Variants in AP3D1 observed in about 807,000 individuals in gnomAD.
AP3D1 encodes the protein AP-3 complex subunit delta-1.
AP3D1 carries 51 observed loss-of-function variants against 147.6 expected under a neutral mutation model. The observed-to-expected ratio is 0.35, with a 90% CI of 0.28 to 0.44. The LOEUF (loss-of-function observed/expected upper bound fraction) is 0.44. Ranked by LOEUF, AP3D1 falls within the 20% of genes least tolerant of loss-of-function variation. The probability of loss-of-function intolerance (pLI) is 1.00; values close to 1 mark genes in which losing one functional copy is unlikely to be tolerated. For synonymous variants in AP3D1, 760 were observed against 663.0 expected (o/e 1.15, Z -2.25); for missense variants, 1,421 against 1,624.2 (o/e 0.87, Z 2.15).
At chr19:2,132,886 T>C (rs1245975889) in intron 4 of AP3D1, among the ~76,000 whole-genome samples, 1 of 151,980 alleles carries the variant, frequency 6.6e-6, no homozygotes, top group African/African-American at 2.4e-5. Flanking sequence ...TCAACCAAGT[T>C]TCTTGGCTCC....
At position 2,118,929 on chromosome 19, in the gene AP3D1, G is replaced by T. The variant is rs1599457485; in HGVS notation, c.1482-97C>A. 4 of 1,146,602 alleles carry T rather than the reference G, an allele frequency of 3.5e-6. No homozygotes were observed. In the East Asian group the frequency reaches 1.0e-4, roughly 29 times the overall value. The allele number at this position is 1,146,602 out of a possible 1,614,324, so 71.0% of individuals were successfully genotyped here. ...GGAGGCCTGGGCTCGTCACCAACAA[G>T]GTGACTCTGGGCCCTTCCCATTCCC... On this transcript the variant is annotated intron_variant, in intron 14 of 31. Transcript: ENST00000643116.
chr19:2,116,917 AG>A, intron 16 of AP3D1, 171 bp from the exon 17 acceptor site: 1 of 979,948 alleles, frequency 1.0e-6, no homozygotes, highest in Non-Finnish European at 1.4e-6. Flanking sequence ...AAGAGGACGC[AG>A]GGACCCAGGA....
intron 1 of AP3D1, among the ~76,000 whole-genome samples, chr19:2,138,939 A>C (rs1426149997): frequency 1.3e-5 from 2 of 151,764 alleles, no homozygotes; most frequent in Non-Finnish European, 2.9e-5. Context: ...GGGCGCCTGT[A>C]ATCCCAGCTA....
chr19:2,150,886 G>A (rs2019488900), intron 1 of AP3D1, among the ~76,000 whole-genome samples: 1 of 152,210 alleles, frequency 6.6e-6, no homozygotes, highest in South Asian at 2.1e-4. Flanking sequence ...GGGGGCAGGT[G>A]GGCCCGAATC....
intron 5 of AP3D1, among the ~76,000 whole-genome samples, chr19:2,131,840 C>T (rs962856085): frequency 3.0e-5 from 4 of 133,128 alleles, no homozygotes; most frequent in African/African-American, 3.6e-5. Flanking sequence ...GGCAGCCACG[C>T]GGGGACAGCG....
intron 1 of AP3D1, among the ~76,000 whole-genome samples, chr19:2,148,022 T>C (rs1279883857): frequency 6.6e-6 from 1 of 150,832 alleles, no homozygotes; most frequent in African/African-American, 2.4e-5. Flanking sequence ...ATACAAAAAA[T>C]TAGACGGGCG....
In AP3D1 at chr19:2,114,233, C is replaced by G. The variant is rs1209534587; in HGVS notation, c.2493G>C (p.Glu831Asp). The change falls in exon 22 of 32, where the codon GAG becomes GAC. Residue 831 changes from glutamate to aspartate, a missense_variant. This residue lies in a region of AP3D1 where 791 missense variants were observed against 761.4 expected (regional missense o/e 1.04). Transcript: ENST00000643116. ...TCTTTTCTACCATGGGAACGTCCTT[C>G]TCAGGGGATTTTGAGGTCTCGGTGT... ...HRNTETSKSP[E>D]KDVPMVEKKS... 1 of 1,613,588 alleles carries G rather than the reference C, an allele frequency of 6.2e-7. No individual in the cohort carries two copies. Among genetic ancestry groups the G allele is most frequent in the South Asian group, 1.1e-5 (1 of 91,034 alleles).
At chr19:2,130,027 CACACCACAAAT>C (rs1234105368) in intron 6 of AP3D1, among the ~76,000 whole-genome samples, 1 of 152,208 alleles carries the variant, frequency 6.6e-6, no homozygotes, top group Non-Finnish European at 1.5e-5. Flanking sequence ...CCGCAGTCAC[CACACCACAAAT>C]ACACAACAGC....
chr19:2,123,965 C>A lies in AP3D1; in HGVS notation c.857-86G>T, dbSNP rs78117052. On this transcript the variant is annotated intron_variant, in intron 9 of 31. Coordinates refer to ENST00000643116, the MANE Select transcript of AP3D1 (RefSeq NM_001261826.3). ...CAGGGCCACGGGGCACCAGCACCCC[C>A]TCGCCGGGAGGAGGGATGGGAGGGA... is the stretch of plus-strand genomic sequence containing the variant. 662 of 1,435,182 alleles carry A rather than the reference C, an allele frequency of 4.6e-4. 1 individual carries two copies. The highest frequency in any genetic ancestry group is 6.2e-4 in the Non-Finnish European group (646 of 1,043,988). 88.9% of individuals were successfully genotyped at this position (1,435,182 alleles called of 1,614,324 possible).
At chr19:2,131,253 C>T (rs1017677836) in intron 5 of AP3D1, among the ~76,000 whole-genome samples, 1 of 152,278 alleles carries the variant, frequency 6.6e-6, no homozygotes, top group African/African-American at 2.4e-5. Flanking sequence ...CCATCAGCCA[C>T]GATCTAGACA....
At chr19:2,162,269 C>T (rs2144610836) in intron 1 of AP3D1, among the ~76,000 whole-genome samples, 1 of 149,996 alleles carries the variant, frequency 6.7e-6, no homozygotes, top group South Asian at 2.1e-4. Flanking sequence ...ATCTCCTGAC[C>T]TCGTGATCCA....
chr19:2,127,177 A>G lies in AP3D1; in HGVS notation c.831T>C (p.Tyr277=). 2 of 1,613,992 alleles carry G rather than the reference A, an allele frequency of 1.2e-6. No homozygotes were observed. The highest frequency in any genetic ancestry group is 8.5e-7 in the Non-Finnish European group (1 of 1,180,000). Residue 277 remains tyrosine (Y), a synonymous_variant, in exon 9 of 32, where the codon TAT becomes TAC. Coordinates refer to ENST00000643116, the MANE Select transcript of AP3D1 (RefSeq NM_001261826.3). ...CTGCAATCACGGTGTTCACACATTC[A>G]TAGAGGAGAGACATGGCAGACGTGC... ...IHSTSAMSLL[Y]ECVNTVIAVL...
At chr19:2,110,423 C>G (rs1037038903) in intron 27 of AP3D1, among the ~76,000 whole-genome samples, 199 bp from the exon 28 acceptor site, 1 of 152,102 alleles carries the variant, frequency 6.6e-6, no homozygotes, top group African/African-American at 2.4e-5. Flanking sequence ...GGTCCCATCC[C>G]TGTTTCAGAG....
At chr19:2,126,294 G>T (rs1417774388) in intron 9 of AP3D1, among the ~76,000 whole-genome samples, 2 of 152,198 alleles carry the variant, frequency 1.3e-5, no homozygotes, top group African/African-American at 4.8e-5. Context: ...GAGACCACTG[G>T]GGACATTGGT....
At chr19:2,117,590 C>A (rs1437260182) in intron 15 of AP3D1, among the ~76,000 whole-genome samples, 4 of 152,372 alleles carry the variant, frequency 2.6e-5, no homozygotes, top group South Asian at 4.1e-4. Flanking sequence ...GATGGGGGCA[C>A]AACAGGGAGC....
intron 8 of AP3D1, among the ~76,000 whole-genome samples, chr19:2,127,646 T>C (rs2018795014): frequency 1.3e-5 from 2 of 152,190 alleles, no homozygotes; most frequent in African/African-American, 4.8e-5. Context: ...TGCCTCAGCC[T>C]CCCGTGCAGC....
intron 11 of AP3D1, among the ~76,000 whole-genome samples, chr19:2,122,530 C>T (rs2018639483): frequency 1.3e-5 from 2 of 152,234 alleles, no homozygotes; most frequent in South Asian, 2.1e-4. Context: ...GCTGACACGG[C>T]GGGCGGTACT....
At chr19:2,164,294 T>A in intron 1 of AP3D1, 1 of 1,220,230 alleles carries the variant, frequency 8.2e-7, no homozygotes, top group Non-Finnish European at 1.0e-6. Flanking sequence ...CGTCCCTACC[T>A]CCCGGCCTCC....
At chr19:2,108,983 G>GT in intron 30 of AP3D1, 103 bp downstream of exon 30, 3 of 1,543,590 alleles carry the variant, frequency 1.9e-6, no homozygotes, top group Non-Finnish European at 1.8e-6. Flanking sequence ...CCCAAAGGGT[G>GT]TGAGTTTGGG....
Sources: allele counts gnomAD v4.1 joint callset (sites outside exome capture counted in the v4.1 genomes callset), GRCh38; gene constraint gnomAD v4.1.1; regional missense constraint gnomAD v4.1.1; transcripts MANE v1.5; gene names NCBI Gene and HGNC (gene_info 2026-07-23, HGNC 2026-07-21).